Variants in SETBP1 observed in about 807,000 individuals in gnomAD.
SETBP1 encodes the protein SET binding protein 1, also known as SET-binding protein.
A neutral mutation model predicts 101.0 loss-of-function variants in SETBP1; 9 were observed. The ratio of observed to expected loss-of-function variants is 0.09; its 90% CI spans 0.05 to 0.16. The LOEUF (loss-of-function observed/expected upper bound fraction) is 0.16, where lower values mean the gene tolerates loss of function less well. SETBP1 is among the 10% of genes least tolerant of loss of function. The probability of loss-of-function intolerance (pLI) is 1.00; values close to 1 mark genes in which losing one functional copy is unlikely to be tolerated. For missense variants in SETBP1, 1,858 were observed against 2,033.8 expected, an observed-to-expected ratio of 0.91 and a Z score of 1.66; for synonymous variants, 818 against 788.5, an observed-to-expected ratio of 1.04 and a Z score of -0.63.
intron 2 of SETBP1, among the ~76,000 whole-genome samples, chr18:44,799,623 TGAA>T (rs2071559383): frequency 6.6e-6 from 1 of 152,132 alleles, no homozygotes; most frequent in Non-Finnish European, 1.5e-5. Context: ...ACACTAGGCT[TGAA>T]GAAGGAGGAT....
intron 2 of SETBP1, among the ~76,000 whole-genome samples, chr18:44,754,672 A>G (rs1367577102): frequency 3.9e-5 from 6 of 152,212 alleles, no homozygotes; most frequent in Non-Finnish European, 8.8e-5. Flanking sequence ...ATGGAGCTTC[A>G]TCTCAAGAAT....
intron 4 of SETBP1, among the ~76,000 whole-genome samples, chr18:44,991,322 T>C (rs1372117757): frequency 7.8e-6 from 1 of 128,064 alleles, no homozygotes; most frequent in Non-Finnish European, 1.7e-5. Flanking sequence ...AAAATAATAA[T>C]AACAGTAAAC....
chr18:44,984,744 A>G (rs1423777059), intron 4 of SETBP1, among the ~76,000 whole-genome samples: 3 of 152,216 alleles, frequency 2.0e-5, no homozygotes, highest in Non-Finnish European at 2.9e-5. Flanking sequence ...GTTGGTTATC[A>G]TGTTACTAAT....
At chr18:44,925,472 A>G (rs1482695793) in intron 3 of SETBP1, among the ~76,000 whole-genome samples, 2 of 152,298 alleles carry the variant, frequency 1.3e-5, no homozygotes, top group Non-Finnish European at 2.9e-5. Context: ...TTTTGGAGCT[A>G]GAAGTTTACT....
chr18:44,799,058 T>C lies in SETBP1; in HGVS notation c.487-70172T>C, dbSNP rs147800217. On this transcript the variant is annotated intron_variant, in intron 2 of 5. Coordinates refer to ENST00000649279, the MANE Select transcript of SETBP1 (RefSeq NM_015559.3). ...ACTTCAGCTGTATATTAATTAGCCA[T>C]TGTGGTGGGCACTGTGGACGAGATC... Among the ~76,000 whole-genome samples, 3 of 152,338 alleles carry C rather than the reference T, an allele frequency of 2.0e-5. No homozygotes were observed. In the East Asian group the frequency reaches 5.8e-4, roughly 29 times the overall value.
intron 2 of SETBP1, among the ~76,000 whole-genome samples, chr18:44,839,015 G>A (rs2072556540): frequency 6.6e-6 from 1 of 151,880 alleles, no homozygotes; most frequent in Admixed American, 6.6e-5. Context: ...TCAACTGTCG[G>A]TTTGAAGGAT....
chr18:44,947,006 T>C (rs2071222388), intron 3 of SETBP1, among the ~76,000 whole-genome samples: 1 of 152,172 alleles, frequency 6.6e-6, no homozygotes. Flanking sequence ...AATGTATGCT[T>C]CTTCATTCAT....
intron 5 of SETBP1, among the ~76,000 whole-genome samples, chr18:45,050,459 C>T (rs1200743956): frequency 6.6e-6 from 1 of 152,168 alleles, no homozygotes; most frequent in African/African-American, 2.4e-5. Context: ...TTGAAAGGGA[C>T]ATAAGGAAAA....
intron 2 of SETBP1, among the ~76,000 whole-genome samples, chr18:44,759,360 C>G (rs17711101): frequency 2.0e-5 from 3 of 152,140 alleles, no homozygotes; most frequent in African/African-American, 4.8e-5. Context: ...GAAGGTGATA[C>G]GTTCAACATG....
chr18:44,796,535 C>T (rs577190527), intron 2 of SETBP1, among the ~76,000 whole-genome samples: 98 of 152,300 alleles, frequency 6.4e-4, no homozygotes, highest in Non-Finnish European at 6.3e-4. Flanking sequence ...GTTAAAAGCT[C>T]TTTATGTGAT....
chr18:44,711,886 C>G (rs1247703996), intron 2 of SETBP1, among the ~76,000 whole-genome samples: 3 of 152,014 alleles, frequency 2.0e-5, no homozygotes, highest in Non-Finnish European at 4.4e-5. Flanking sequence ...CCCAGTGGAT[C>G]TCGCCCTATG....
chr18:44,875,857 TG>T (rs1383951984), intron 3 of SETBP1, among the ~76,000 whole-genome samples: 1 of 152,232 alleles, frequency 6.6e-6, no homozygotes, highest in Non-Finnish European at 1.5e-5. Context: ...TCAGGTAGTC[TG>T]GCTCCAATAT....
At chr18:44,883,390 C>T (rs1316993988) in intron 3 of SETBP1, among the ~76,000 whole-genome samples, 2 of 152,172 alleles carry the variant, frequency 1.3e-5, no homozygotes, top group Admixed American at 6.5e-5. Context: ...CCATCTTTCT[C>T]CACAATGTCT....
rs926315504 is a variant in SETBP1 at position 44,691,380 on chromosome 18, A to G, written c.-172-9795A>G. ...CCCCCCGCCCCCCAACCCTTTCACT[A>G]CAAGAGAACACTTTTCCTTGACTGC... On this transcript the variant is annotated intron_variant, in intron 1 of 5. Transcript: ENST00000649279. 2.1e-5 allele frequency among the ~76,000 whole-genome samples: 3 copies of G among 142,500 alleles called. No individual in the cohort carries two copies. In the South Asian group the frequency reaches 6.6e-4, roughly 31 times the overall value. The allele number at this position is 142,500 out of a possible 152,430, so 93.5% of individuals were successfully genotyped here. A position where few individuals can be genotyped will look rare whatever the true frequency, so the allele number is the denominator to read the frequency against.
intron 3 of SETBP1, chr18:44,870,699 A>G (rs17786966): frequency 0.15 from 23,539 of 152,176 alleles, 1,961 homozygotes; most frequent in Middle Eastern, 0.22. Context: ...TGGCAATTCC[A>G]GGTAAATATT....
intron 2 of SETBP1, among the ~76,000 whole-genome samples, chr18:44,775,155 A>G (rs1400122350): frequency 6.6e-6 from 1 of 152,076 alleles, no homozygotes; most frequent in African/African-American, 2.4e-5. Flanking sequence ...TTAAATTGCT[A>G]TTGGGGGTAT....
Position 44,953,214 on chromosome 18 carries a change from G to A in SETBP1, c.3874G>A (p.Asp1292Asn). 1 of 1,614,156 alleles carries A rather than the reference G, an allele frequency of 6.2e-7. No individual in the cohort carries two copies. The highest frequency in any genetic ancestry group is 1.1e-5 in the South Asian group (1 of 91,068). The stretch of plus-strand genomic sequence containing the variant: ...AATGAACCCTTCGAATGACAAGTGG[G>A]ACAGTGACGTGAGTGGGAGTAAAAG... ...SEMNPSNDKW[D>N]SDVSGSKRRS... Residue 1292 changes from aspartate (D) to asparagine (N), a missense_variant, in exon 4 of 6, where the codon GAC becomes AAC. Around this residue, in one of 12 missense-constraint regions of SETBP1, gnomAD observed 417 missense variants for 389.1 expected, o/e 1.07. Transcript: ENST00000649279.
At chr18:44,915,016 G>A (rs2070394878) in intron 3 of SETBP1, among the ~76,000 whole-genome samples, 2 of 152,022 alleles carry the variant, frequency 1.3e-5, no homozygotes, top group Admixed American at 6.6e-5. Context: ...TAATGGTTCA[G>A]GTTGCAACTG....
At chr18:44,872,693 A>G (rs1209238651) in intron 3 of SETBP1, among the ~76,000 whole-genome samples, 1 of 152,380 alleles carries the variant, frequency 6.6e-6, no homozygotes, top group East Asian at 1.9e-4. Context: ...AAGAATGTGC[A>G]GGCTGCTTAA....
Sources: gnomAD v4.1 joint callset for allele counts (sites outside exome capture counted in the v4.1 genomes callset) on GRCh38, gnomAD v4.1.1 for gene constraint, gnomAD v4.1.1 regional missense constraint, MANE v1.5 for transcripts, NCBI Gene and HGNC (gene_info 2026-07-23, HGNC 2026-07-21) for gene names.